SHISA9: variants seen among roughly 807,000 people sequenced by gnomAD.
The protein encoded by SHISA9 is protein shisa-9.
Under a neutral mutation model 38.0 loss-of-function variants are expected in SHISA9, and 13 were observed. That is an observed-to-expected ratio of 0.34 (90% CI 0.22 to 0.54). The LOEUF is 0.54. SHISA9 is among the 20% of genes least tolerant of loss of function. The pLI, the probability that SHISA9 is intolerant of heterozygous loss-of-function variation, is 0.91. For missense variants in SHISA9, 538 were observed against 575.8 expected (o/e 0.93, Z 0.67); for synonymous variants, 275 against 242.0 (o/e 1.14, Z -1.27).
chr16:13,419,729 CTGT>C, the SHISA9 span, among the ~76,000 whole-genome samples: 47 of 152,308 alleles, frequency 3.1e-4, no homozygotes, highest in Non-Finnish European at 6.0e-4. Context: ...CTACTCAACT[CTGT>C]TGTTGTAGCC....
At chr16:13,328,362 G>T in the SHISA9 span, among the ~76,000 whole-genome samples, 1 of 151,698 alleles carries the variant, frequency 6.6e-6, no homozygotes, top group African/African-American at 2.4e-5. Flanking sequence ...CCACCAGGGG[G>T]TTTGAACCTC....
chr16:13,245,418 T>C, the SHISA9 span, among the ~76,000 whole-genome samples: 1 of 152,222 alleles, frequency 6.6e-6, no homozygotes, highest in Non-Finnish European at 1.5e-5. Flanking sequence ...TCTTCATGCT[T>C]CTATTTTTTT....
chr16:12,924,183 A>T lies in SHISA9; in HGVS notation c.691+7368A>T, dbSNP rs189948118. Among the ~76,000 whole-genome samples, 316 of 152,212 alleles carry T rather than the reference A, an allele frequency of 2.1e-3. 2 individuals are homozygous for T. Among genetic ancestry groups the T allele is most frequent in the Admixed American group, 4.0e-3 (61 of 15,276 alleles). ...TTTTAGGATTATTCCTTAGCACTGT[A>T]GTGGAGCAGGTTCTCCAAGAAAGGT... On this transcript the variant is annotated intron_variant, in intron 2 of 4. Coordinates refer to ENST00000558583, the MANE Select transcript of SHISA9 (RefSeq NM_001145204.3).
Position 12,921,931 on chromosome 16 carries a change from A to C in SHISA9, c.691+5116A>C, listed in dbSNP as rs148524237. ...AAACTCCAAAACATGGATTCCTCAA[A>C]ACCTTATTAGGCTGATACTATTGTT... is the stretch of plus-strand genomic sequence containing the variant. On this transcript the variant is annotated intron_variant, in intron 2 of 4. Coordinates refer to ENST00000558583, the MANE Select transcript of SHISA9 (RefSeq NM_001145204.3). Among the ~76,000 whole-genome samples, 1,453 of 152,290 alleles carry C rather than the reference A, an allele frequency of 9.5e-3. 7 individuals are homozygous for C. The highest frequency in any genetic ancestry group is 0.048 in the Middle Eastern group (14 of 294).
At chr16:13,225,378 T>C (rs892029363) in intron 4 of SHISA9, among the ~76,000 whole-genome samples, 4 of 152,212 alleles carry the variant, frequency 2.6e-5, no homozygotes, top group Non-Finnish European at 5.9e-5. Context: ...CACACTGTGA[T>C]GTGTTCACAA....
intron 2 of SHISA9, among the ~76,000 whole-genome samples, chr16:13,162,434 C>T (rs1270631030): frequency 5.3e-5 from 8 of 152,116 alleles, no homozygotes; most frequent in Admixed American, 2.0e-4. Context: ...CAGTTTGAGG[C>T]GTAGGGATGT....
chr16:13,404,352 A>C, the SHISA9 span, among the ~76,000 whole-genome samples: 1 of 152,236 alleles, frequency 6.6e-6, no homozygotes, highest in South Asian at 2.1e-4. Context: ...GAAAGTTTTC[A>C]ATGCTTTGAA....
chr16:12,922,400 C>T (rs2071338829), intron 2 of SHISA9, among the ~76,000 whole-genome samples: 1 of 152,250 alleles, frequency 6.6e-6, no homozygotes, highest in South Asian at 2.1e-4. Context: ...GCACACTGCT[C>T]CAGCCCTCTG....
the SHISA9 span, among the ~76,000 whole-genome samples, chr16:13,259,821 A>T: frequency 6.6e-6 from 1 of 150,470 alleles, no homozygotes; most frequent in Non-Finnish European, 1.5e-5. Context: ...CCAGCCCATG[A>T]AACCATTATT....
the SHISA9 span, among the ~76,000 whole-genome samples, chr16:13,421,765 C>A: frequency 6.6e-6 from 1 of 152,180 alleles, no homozygotes; most frequent in Non-Finnish European, 1.5e-5. Context: ...TAGTCCTCTT[C>A]CCCTTCTTCC....
the SHISA9 span, among the ~76,000 whole-genome samples, chr16:13,378,109 C>A: frequency 1.3e-5 from 2 of 152,154 alleles, no homozygotes; most frequent in Non-Finnish European, 2.9e-5. Flanking sequence ...GTGAAGCCTG[C>A]AGAGCTAGGA....
At chr16:13,138,458 G>T (rs1486924298) in intron 2 of SHISA9, among the ~76,000 whole-genome samples, 1 of 152,118 alleles carries the variant, frequency 6.6e-6, no homozygotes, top group Admixed American at 6.5e-5. Flanking sequence ...AACAGGGGCG[G>T]CATCTTCATC....
At chr16:13,433,345 G>A in the SHISA9 span, among the ~76,000 whole-genome samples, 1 of 152,120 alleles carries the variant, frequency 6.6e-6, no homozygotes, top group African/African-American at 2.4e-5. Context: ...AGTAACCAAA[G>A]TATTAAAAGA....
chr16:13,409,278 C>T, the SHISA9 span, among the ~76,000 whole-genome samples: 3 of 152,202 alleles, frequency 2.0e-5, no homozygotes, highest in East Asian at 5.8e-4. Flanking sequence ...CAGTAAAACC[C>T]CTGCATTCAT....
At chr16:13,508,432 A>C in the SHISA9 span, among the ~76,000 whole-genome samples, 1 of 152,168 alleles carries the variant, frequency 6.6e-6, no homozygotes, top group South Asian at 2.1e-4. Flanking sequence ...TTAATGTCTG[A>C]ATTTTTTCTT....
At chr16:13,388,734 A>C in the SHISA9 span, among the ~76,000 whole-genome samples, 1 of 152,122 alleles carries the variant, frequency 6.6e-6, no homozygotes, top group South Asian at 2.1e-4. Context: ...AATCTGGCAC[A>C]TCGTAGATGT....
chr16:12,989,525 T>C (rs2072356850), intron 2 of SHISA9, among the ~76,000 whole-genome samples: 1 of 152,082 alleles, frequency 6.6e-6, no homozygotes, highest in African/African-American at 2.4e-5. Context: ...TTTTCTTCTG[T>C]TCTTTTCAGC....
At chr16:13,301,884 T>A in the SHISA9 span, among the ~76,000 whole-genome samples, 6 of 152,204 alleles carry the variant, frequency 3.9e-5, no homozygotes, top group African/African-American at 1.4e-4. Context: ...GCTAATGTTG[T>A]CTACCTCACA....
At chr16:13,146,792 C>T (rs141886956) in intron 2 of SHISA9, among the ~76,000 whole-genome samples, 1 of 152,318 alleles carries the variant, frequency 6.6e-6, no homozygotes, top group East Asian at 1.9e-4. Flanking sequence ...GGTGTATTAA[C>T]AGGGCACCAA....
Sources: gnomAD v4.1 joint callset for allele counts (sites outside exome capture counted in the v4.1 genomes callset) on GRCh38, gnomAD v4.1.1 for gene constraint, MANE v1.5 for transcripts, NCBI Gene and HGNC (gene_info 2026-07-23, HGNC 2026-07-21) for gene names.